The following SLC35A5 variants were observed in gnomAD, a reference collection of about 807,000 sequenced individuals.
SLC35A5 encodes solute carrier family 35 member A5.
SLC35A5 carries 28 observed loss-of-function variants against 36.3 expected under a neutral mutation model. That is an observed-to-expected ratio of 0.77 (90% CI 0.57 to 1.06). The LOEUF is 1.06. Among genes scored for constraint, SLC35A5 ranks in the 50% least tolerant of loss-of-function variants. SLC35A5 has a pLI of 0.00. For missense variants in SLC35A5, 521 were observed against 499.3 expected, an observed-to-expected ratio of 1.04 and a Z score of -0.41; for synonymous variants, 180 against 173.7, an observed-to-expected ratio of 1.04 and a Z score of -0.29.
At position 112,563,383 on chromosome 3, in the gene SLC35A5, AGG is replaced by A; in HGVS notation, c.-19-1_-19del. On this transcript the variant is annotated splice_acceptor_variant and 5_prime_UTR_variant, in exon 2 of 7. Transcript: ENST00000492406. LOFTEE classifies it low-confidence loss of function (5UTR_SPLICE). ...GTTCATGAAAGTGTTTTTCTCTTTA[AGG>A]TAATTAAAAAACAGTGGAATGGAAA... The A allele has an allele frequency of 6.7e-7, 1 of 1,484,508 alleles. No individual in the cohort carries two copies. Among genetic ancestry groups the A allele is most frequent in the Non-Finnish European group, 9.1e-7 (1 of 1,097,390 alleles). 92.0% of individuals were successfully genotyped at this position (1,484,508 alleles called of 1,614,324 possible). A position where few individuals can be genotyped will look rare whatever the true frequency, so the allele number is the denominator to read the frequency against.
At chr3:112,582,192 T>C (rs1219850282) in intron 6 of SLC35A5, among the ~76,000 whole-genome samples, 1 of 152,166 alleles carries the variant, frequency 6.6e-6, no homozygotes, top group African/African-American at 2.4e-5. Context: ...TAGCAGAGCT[T>C]CCCTGGGTGT....
chr3:112,562,983 C>T (rs1934002300), intron 1 of SLC35A5, among the ~76,000 whole-genome samples: 1 of 152,194 alleles, frequency 6.6e-6, no homozygotes, highest in Non-Finnish European at 1.5e-5. Flanking sequence ...TCGCTTGAGT[C>T]CGGTAGGTAG....
At chr3:112,566,724 G>A (rs1043576577) in intron 2 of SLC35A5, among the ~76,000 whole-genome samples, 1 of 152,218 alleles carries the variant, frequency 6.6e-6, no homozygotes, top group Admixed American at 6.5e-5. Flanking sequence ...TCTCAGAAAG[G>A]AGTTAGTTTC....
intron 2 of SLC35A5, 71 bp from the exon 3 acceptor site, chr3:112,569,100 T>C (rs780842259): frequency 1.1e-4 from 130 of 1,191,552 alleles, no homozygotes; most frequent in Non-Finnish European, 1.3e-4. Flanking sequence ...TTTAAAACAA[T>C]TATGTTATAC....
chr3:112,569,245 G>A lies in SLC35A5; in HGVS notation c.205G>A (p.Val69Met), dbSNP rs1431258649. 6 of 1,613,890 alleles carry A rather than the reference G, an allele frequency of 3.7e-6. No homozygotes were observed. The highest frequency in any genetic ancestry group is 5.1e-6 in the Non-Finnish European group (6 of 1,179,872). The stretch of plus-strand genomic sequence containing the variant: ...GGTGAAGCTAGTTTTCTGTGTGCTT[G>A]TGTCATTCTGTGTTATAAAGAAAGG... ...ELVKLVFCVL[V>M]SFCVIKKDHQ... The change falls in exon 3 of 7, where the codon GTG becomes ATG. Residue 69 changes from valine (V) to methionine (M), a missense_variant. Physicochemically the swap from Val to Met is conservative, Grantham distance 21. Transcript: ENST00000492406.
Position 112,580,389 on chromosome 3 carries a change from G to A in SLC35A5, c.429-157G>A, listed in dbSNP as rs114206138. 5.7e-3 allele frequency among the ~76,000 whole-genome samples: 870 copies of A among 152,170 alleles called. 7 individuals carry two copies. The highest frequency in any genetic ancestry group is 0.026 in the South Asian group (124 of 4,820). ...TTAAAACATTAAATTTGAGAGACAG[G>A]CACCAACAGTTTTTCTCTGAACTTG... is the stretch of plus-strand genomic sequence containing the variant. On this transcript the variant is annotated intron_variant, in intron 5 of 6. Transcript: ENST00000492406.
rs191813890 is a variant in SLC35A5 at position 112,563,309 on chromosome 3, T to C, written c.-19-76T>C. On this transcript the variant is annotated intron_variant, in intron 1 of 6. Transcript: ENST00000492406. Reference sequence around the variant, plus strand: ...CCAAAATTTTTTAAAAATTCCTTTTTTGTCCTCACGATCAATGGTATTTGC... The same window carrying C: ...CCAAAATTTTTTAAAAATTCCTTTTCTGTCCTCACGATCAATGGTATTTGC... 1.8e-3 allele frequency: 2,357 copies of C among 1,330,240 alleles called. 25 individuals carry two copies. The highest frequency in any genetic ancestry group is 7.8e-4 in the Non-Finnish European group (799 of 1,018,244). The allele number at this position is 1,330,240 out of a possible 1,614,324, so 82.4% of individuals were successfully genotyped here.
At chr3:112,581,841 C>T (rs1389571170) in intron 6 of SLC35A5, among the ~76,000 whole-genome samples, 1 of 150,882 alleles carries the variant, frequency 6.6e-6, no homozygotes, top group Admixed American at 6.7e-5. Context: ...AGCCAGTATG[C>T]CAGAAGGGCA....
intron 5 of SLC35A5, among the ~76,000 whole-genome samples, chr3:112,579,531 T>C (rs1229257266): frequency 6.6e-6 from 1 of 152,134 alleles, no homozygotes; most frequent in East Asian, 1.9e-4. Context: ...ACATTGTACA[T>C]TCTTGTTGCC....
chr3:112,581,791 A>C (rs1468839343), intron 6 of SLC35A5, among the ~76,000 whole-genome samples: 1 of 152,220 alleles, frequency 6.6e-6, no homozygotes, highest in Non-Finnish European at 1.5e-5. Context: ...CCTGTTGAAT[A>C]GAAAGCCTGG....
intron 6 of SLC35A5, 99 bp downstream of exon 6, chr3:112,581,425 A>G (rs957743884): frequency 3.3e-6 from 4 of 1,205,614 alleles, no homozygotes; most frequent in Non-Finnish European, 4.6e-6. Context: ...TTGTCAAAGA[A>G]TGTATTGGAT....
chr3:112,571,736 G>A (rs146951071), intron 4 of SLC35A5, among the ~76,000 whole-genome samples: 3 of 152,224 alleles, frequency 2.0e-5, no homozygotes, highest in East Asian at 1.9e-4. Context: ...TTATAAAACC[G>A]TCAGATCTCA....
upstream of SLC35A5, chr3:112,561,885 A>C: frequency 2.7e-5 from 7 of 256,182 alleles, no homozygotes; most frequent in South Asian, 5.0e-5. Flanking sequence ...GCTTTGCTTC[A>C]CTCGCGCCCC....
At chr3:112,571,656 A>G (rs1934443068) in intron 4 of SLC35A5, among the ~76,000 whole-genome samples, 6 of 152,182 alleles carry the variant, frequency 3.9e-5, no homozygotes, top group Admixed American at 3.9e-4. Context: ...TCATGGCGGA[A>G]GGCGAAAGAG....
At chr3:112,566,924 G>A (rs922252882) in intron 2 of SLC35A5, among the ~76,000 whole-genome samples, 1 of 152,140 alleles carries the variant, frequency 6.6e-6, no homozygotes, top group Admixed American at 6.5e-5. Flanking sequence ...CCAGTTAGTA[G>A]AGAGGAAGAT....
chr3:112,573,776 C>A, intron 4 of SLC35A5, 113 bp from the exon 5 acceptor site: 1 of 759,586 alleles, frequency 1.3e-6, no homozygotes, highest in Non-Finnish European at 2.3e-6. Context: ...ACCTTAATAA[C>A]CCCTCTGTTT....
At chr3:112,574,034 T>A in intron 5 of SLC35A5, 78 bp downstream of exon 5, 1 of 1,263,972 alleles carries the variant, frequency 7.9e-7, no homozygotes, top group Non-Finnish European at 1.1e-6. Flanking sequence ...CCCAGAACAC[T>A]GAGCCGTCAG....
At position 112,566,639 on chromosome 3, in the gene SLC35A5, A is replaced by G. The variant is rs571022653; in HGVS notation, c.131-2532A>G. Reference sequence around the variant, plus strand: ...AGGAAAGAAAGTTTGAAGACTGAGAAAGAATGGCAACATCATGATAAGCTA... The same window carrying G: ...AGGAAAGAAAGTTTGAAGACTGAGAGAGAATGGCAACATCATGATAAGCTA... On this transcript the variant is annotated intron_variant, in intron 2 of 6. Transcript: ENST00000492406. Among the ~76,000 whole-genome samples the G allele has an allele frequency of 5.3e-5, 8 of 152,336 alleles. No homozygotes were observed. In the East Asian group the frequency reaches 1.5e-3, roughly 29 times the overall value.
Position 112,583,316 on chromosome 3 carries a change from T to G in SLC35A5, c.*580T>G, listed in dbSNP as rs1033626260. On this transcript the variant is annotated 3_prime_UTR_variant, in exon 7 of 7. Coordinates refer to ENST00000492406, the MANE Select transcript of SLC35A5 (RefSeq NM_017945.5). Reference sequence around the variant, plus strand: ...CTAAATATTTTGCTGAAGAAGCAGTTTCTCAGACACAACATCTCAGAATTT... The same window carrying G: ...CTAAATATTTTGCTGAAGAAGCAGTGTCTCAGACACAACATCTCAGAATTT... The G allele has an allele frequency of 7.6e-6, 3 of 394,184 alleles. No homozygotes were observed. The highest frequency in any genetic ancestry group is 4.4e-5 in the Admixed American group (1 of 22,654). The allele number at this position is 394,184 out of a possible 1,614,324, so 24.4% of individuals were successfully genotyped here.
Sources: allele counts gnomAD v4.1 joint callset (sites outside exome capture counted in the v4.1 genomes callset), GRCh38; gene constraint gnomAD v4.1.1; transcripts MANE v1.5; gene names NCBI Gene and HGNC (gene_info 2026-07-23, HGNC 2026-07-21).